Variants in NSMAF observed in about 807,000 individuals in gnomAD.
NSMAF encodes protein FAN.
In NSMAF, 90 loss-of-function variants were observed where a neutral mutation model predicts 134.9. The ratio of observed to expected loss-of-function variants is 0.67; its 90% CI spans 0.56 to 0.79. NSMAF has a LOEUF of 0.79. Ranked by LOEUF, NSMAF falls within the 30% of genes least tolerant of loss-of-function variation. The probability of loss-of-function intolerance (pLI) is 0.00; values close to 1 mark genes in which losing one functional copy is unlikely to be tolerated. For synonymous variants in NSMAF, 358 were observed against 389.6 expected, an observed-to-expected ratio of 0.92 and a Z score of 0.96; for missense variants, 1,010 against 1,119.0, an observed-to-expected ratio of 0.90 and a Z score of 1.39.
In NSMAF at chr8:58,622,026, G is replaced by A. The variant is rs981860858; in HGVS notation, c.557+1194C>T. Among the ~76,000 whole-genome samples the A allele has an allele frequency of 5.3e-5, 8 of 152,168 alleles. No individual in the cohort carries two copies. In the South Asian group the frequency reaches 8.3e-4, roughly 16 times the overall value. On this transcript the variant is annotated intron_variant, in intron 9 of 30. Coordinates refer to ENST00000038176, the MANE Select transcript of NSMAF (RefSeq NM_003580.4). ...TTGCTGTAATTGCTTTTGTGACTTC[G>A]TCATGAAATCTTTGCTGGGGCCTAT...
At position 58,638,031 on chromosome 8, in the gene NSMAF, C is replaced by A. The variant is rs565455058; in HGVS notation, c.150-2485G>T. 1.6e-3 allele frequency among the ~76,000 whole-genome samples: 249 copies of A among 152,170 alleles called. 1 individual carries two copies. Among genetic ancestry groups the A allele is most frequent in the African/African-American group, 5.7e-3 (235 of 41,510 alleles). On this transcript the variant is annotated intron_variant, in intron 2 of 30. Coordinates refer to ENST00000038176, the MANE Select transcript of NSMAF (RefSeq NM_003580.4). ...CATTGATATTGACCCACAAAATAAA[C>A]AAAACACCCAAAACAATCTGTTTTG...
intron 6 of NSMAF, among the ~76,000 whole-genome samples, chr8:58,624,035 ATTTTTTTTTT>A (rs11431046): frequency 1.0e-5 from 1 of 99,098 alleles, no homozygotes. Context: ...TAGAGTTAGG[ATTTTTTTTTT>A]TTTTTTTTTT....
chr8:58,609,970 AGAC>A (rs1475186637), intron 9 of NSMAF, among the ~76,000 whole-genome samples: 2 of 152,198 alleles, frequency 1.3e-5, no homozygotes, highest in African/African-American at 4.8e-5. Context: ...AAGCCATGAC[AGAC>A]AAGTAAATAA....
At position 58,623,708 on chromosome 8, in the gene NSMAF, C is replaced by T. The variant is rs1233472936; in HGVS notation, c.456+1G>A. The T allele has an allele frequency of 1.9e-6, 3 of 1,613,252 alleles. No individual in the cohort carries two copies. Among genetic ancestry groups the T allele is most frequent in the South Asian group, 1.1e-5 (1 of 91,018 alleles). Reference sequence around the variant, plus strand: ...GAATTTTCTACCCAGCAAGTGCTTACCTGAAGCAACGTCTCCACAACATCT... The same window carrying T: ...GAATTTTCTACCCAGCAAGTGCTTATCTGAAGCAACGTCTCCACAACATCT... On this transcript the variant is annotated splice_donor_variant, in intron 7 of 30. Transcript: ENST00000038176. LOFTEE classifies it high-confidence loss of function.
rs533767088 is a variant in NSMAF at position 58,642,627 on chromosome 8, G to A, written c.149+357C>T. On this transcript the variant is annotated intron_variant, in intron 2 of 30. Coordinates refer to ENST00000038176, the MANE Select transcript of NSMAF (RefSeq NM_003580.4). ...CAACAAAAAAATGATGGGATGGACT[G>A]GAGTCCTATCAAGCTTAAGATATCT... is the stretch of plus-strand genomic sequence containing the variant. Among the ~76,000 whole-genome samples the A allele has an allele frequency of 2.6e-5, 4 of 152,258 alleles. No homozygotes were observed. The South Asian group carries it at 8.3e-4, about 32-fold the overall frequency.
chr8:58,638,921 T>C (rs1460914689), intron 2 of NSMAF, among the ~76,000 whole-genome samples: 1 of 152,130 alleles, frequency 6.6e-6, no homozygotes, highest in African/African-American at 2.4e-5. Flanking sequence ...AACAACTTGA[T>C]AGTATAATAA....
At position 58,594,595 on chromosome 8, in the gene NSMAF, G is replaced by A. The variant is rs73248901; in HGVS notation, c.1893-305C>T. ...AACTCTTCTCCTTCTATTCCCCCTCGTTTGACCATCACCAAAAGGACAAAC... is the reference window on the plus strand; with the variant it reads ...AACTCTTCTCCTTCTATTCCCCCTCATTTGACCATCACCAAAAGGACAAAC... On this transcript the variant is annotated intron_variant, in intron 22 of 30. Coordinates refer to ENST00000038176, the MANE Select transcript of NSMAF (RefSeq NM_003580.4). The A allele has an allele frequency of 2.9e-3, 1,077 of 367,862 alleles. 9 individuals carry two copies. Among genetic ancestry groups the A allele is most frequent in the African/African-American group, 0.02 (968 of 48,128 alleles). The allele number at this position is 367,862 out of a possible 1,614,324, so 22.8% of individuals were successfully genotyped here. A position where few individuals can be genotyped will look rare whatever the true frequency, so the allele number is the denominator to read the frequency against.
chr8:58,659,383 G>C (rs1423556788), intron 1 of NSMAF, 190 bp downstream of exon 1: 3 of 1,519,152 alleles, frequency 2.0e-6, no homozygotes, highest in Admixed American at 4.0e-5. Context: ...GCCCAGACCA[G>C]GCCCCCGGCC....
chr8:58,646,443 A>C (rs1387447407), intron 1 of NSMAF, among the ~76,000 whole-genome samples: 1 of 152,236 alleles, frequency 6.6e-6, no homozygotes, highest in Non-Finnish European at 1.5e-5. Context: ...AAATATAATC[A>C]TATCAGCTAT....
At chr8:58,656,049 C>T (rs528894741) in intron 1 of NSMAF, among the ~76,000 whole-genome samples, 3 of 152,032 alleles carry the variant, frequency 2.0e-5, no homozygotes, top group South Asian at 4.1e-4. Flanking sequence ...GATGGAGTCT[C>T]GCTCTGTCGC....
rs377344347 is a variant in NSMAF, at chr8:58,616,452, G to GA, written c.558-6720dup. Reference sequence around the variant, plus strand: ...ATGAATACAAGGTTGGTTTAACATTGAAAAAAATCAATCAATGTAATTCAA... The same window carrying GA: ...ATGAATACAAGGTTGGTTTAACATTGAAAAAAAATCAATCAATGTAATTCAA... On this transcript the variant is annotated intron_variant, in intron 9 of 30. Coordinates refer to ENST00000038176, the MANE Select transcript of NSMAF (RefSeq NM_003580.4). 4.3e-4 allele frequency among the ~76,000 whole-genome samples: 66 copies of GA among 151,866 alleles called. 4 individuals carry two copies. In the East Asian group the frequency reaches 0.012, roughly 28 times the overall value.
In NSMAF at chr8:58,603,194, C is replaced by T; in HGVS notation, c.1045+16G>A. ...TCCCCACTCAACTTGGTCAGAATTC[C>T]ACGTGTGGCAGTTACCTAGTTCTGA... On this transcript the variant is annotated intron_variant, in intron 13 of 30. Transcript: ENST00000038176. 5 of 1,612,542 alleles carry T rather than the reference C, an allele frequency of 3.1e-6. No homozygotes were observed. The highest frequency in any genetic ancestry group is 1.7e-4 in the Middle Eastern group (1 of 6,058).
chr8:58,613,889 CATCATGTTGGCACTCAAAA>C (rs894688029), intron 9 of NSMAF, among the ~76,000 whole-genome samples: 3 of 152,110 alleles, frequency 2.0e-5, no homozygotes, highest in Non-Finnish European at 4.4e-5. Flanking sequence ...TTCCTTTGAC[CATCATGTTGGCACTCAAAA>C]ATTTTTGAGT....
intron 1 of NSMAF, among the ~76,000 whole-genome samples, chr8:58,658,907 G>C (rs776829065): frequency 1.3e-5 from 2 of 152,212 alleles, no homozygotes; most frequent in Admixed American, 6.5e-5. Context: ...CGACTGCAAA[G>C]CTTTCCAACA....
chr8:58,649,453 T>C (rs1807532954), intron 1 of NSMAF, among the ~76,000 whole-genome samples: 12 of 152,178 alleles, frequency 7.9e-5, no homozygotes. Flanking sequence ...AATGATTGTA[T>C]TTTCCAATGT....
Position 58,594,281 on chromosome 8 carries a change from A to G in NSMAF, c.1902T>C (p.Thr634=). The part of the protein sequence containing the change: ...EHYKIHKEAV[T]GITVSRNGSS... ...ATCCATTGCGAGAGACCGTGATTCCAGTAACTGCTCTGCTCAAAAACAAAG... is the reference window on the plus strand; with the variant it reads ...ATCCATTGCGAGAGACCGTGATTCCGGTAACTGCTCTGCTCAAAAACAAAG... Residue 634 remains threonine, a synonymous_variant, in exon 23 of 31, where the codon ACT becomes ACC. Transcript: ENST00000038176. The G allele has an allele frequency of 6.2e-7, 1 of 1,614,124 alleles. No homozygotes were observed. The highest frequency in any genetic ancestry group is 8.5e-7 in the Non-Finnish European group (1 of 1,179,914).
At chr8:58,595,704 A>C (rs775964403) in intron 21 of NSMAF, 45 bp from the exon 22 acceptor site, 1 of 1,068,922 alleles carries the variant, frequency 9.4e-7, no homozygotes, top group South Asian at 1.3e-5. Context: ...CTAAGTTACC[A>C]ACAGACAACA....
chr8:58,601,395 A>G, intron 15 of NSMAF, 47 bp from the exon 16 acceptor site: 1 of 1,611,102 alleles, frequency 6.2e-7, no homozygotes, highest in Non-Finnish European at 8.5e-7. Flanking sequence ...GAATCATTGA[A>G]GAATACAGTG....
chr8:58,633,694 T>A (rs978264046), intron 5 of NSMAF, among the ~76,000 whole-genome samples: 10 of 152,178 alleles, frequency 6.6e-5, no homozygotes, highest in African/African-American at 2.4e-4. Flanking sequence ...CACCCTTCTT[T>A]AGCAGCAACA....
Sources: gnomAD v4.1 joint callset for allele counts (sites outside exome capture counted in the v4.1 genomes callset) on GRCh38, gnomAD v4.1.1 for gene constraint, MANE v1.5 for transcripts, NCBI Gene and HGNC (gene_info 2026-07-23, HGNC 2026-07-21) for gene names.